Variants in FOLH1 observed in about 807,000 individuals in gnomAD.
The protein encoded by FOLH1 is glutamate carboxypeptidase 2.
Under a neutral mutation model 93.9 loss-of-function variants are expected in FOLH1, and 54 were observed. The observed-to-expected ratio is 0.57, with a 90% CI of 0.46 to 0.72. FOLH1 has a LOEUF of 0.72. Among genes scored for constraint, FOLH1 ranks in the 30% least tolerant of loss-of-function variants. The pLI is 0.00. For missense variants in FOLH1, 571 were observed against 892.5 expected (o/e 0.64, Z 4.59); for synonymous variants, 249 against 303.6 (o/e 0.82, Z 1.87).
chr11:49,150,837 T>C (rs1856429540), intron 17 of FOLH1, among the ~76,000 whole-genome samples: 1 of 152,172 alleles, frequency 6.6e-6, no homozygotes, highest in Non-Finnish European at 1.5e-5. Context: ...CTGAGAAAAA[T>C]CATTACAATA....
intron 4 of FOLH1, among the ~76,000 whole-genome samples, chr11:49,188,169 T>A (rs867787541): frequency 1.8e-4 from 27 of 152,332 alleles, no homozygotes; most frequent in Non-Finnish European, 3.5e-4. Context: ...TCAAATTTTT[T>A]AAAAAATTTA....
At position 49,154,350 on chromosome 11, in the gene FOLH1, T is replaced by C; in HGVS notation, c.1766A>G (p.Asn589Ser). The change falls in exon 16 of 19, where the codon AAT (asparagine) becomes AGT (serine). Residue 589 changes from asparagine to serine, a missense_variant. Transcript: ENST00000256999. The part of the protein sequence containing the change: ...VRGGMVFELA[N>S]SIVLPFDCRD... Reference sequence around the variant, plus strand: ...ACAATCAAAAGGGAGCACTATGGAATTGGCTAGCTCAAACACCATCCCTCC... The same window carrying C: ...ACAATCAAAAGGGAGCACTATGGAACTGGCTAGCTCAAACACCATCCCTCC... The C allele has an allele frequency of 6.2e-6, 10 of 1,613,462 alleles. No individual in the cohort carries two copies. The highest frequency in any genetic ancestry group is 8.5e-6 in the Non-Finnish European group (10 of 1,179,660).
intron 13 of FOLH1, among the ~76,000 whole-genome samples, chr11:49,163,312 T>A (rs1298996917): frequency 6.6e-6 from 1 of 152,038 alleles, no homozygotes; most frequent in East Asian, 1.9e-4. Context: ...GCTCCACCCA[T>A]TGATGAGGAA....
chr11:49,163,306 CACCCATTGATGAGGAACGTAG>C (rs1227282820), intron 13 of FOLH1, among the ~76,000 whole-genome samples: 1 of 151,932 alleles, frequency 6.6e-6, no homozygotes, highest in East Asian at 1.9e-4. Context: ...TGGGAGGCTC[CACCCATTGATGAGGAACGTAG>C]TTGGGGATCT....
rs140875767 is a variant in FOLH1 at position 49,185,525 on chromosome 11, A to G, written c.826+144T>C. ...AGGGGGTAAGGGGCCTGAACCAATC[A>G]CTTTAGAGTTCAAAATTCTTTCATT... is the stretch of plus-strand genomic sequence containing the variant. On this transcript the variant is annotated intron_variant, in intron 6 of 18. Coordinates refer to ENST00000256999, the MANE Select transcript of FOLH1 (RefSeq NM_004476.3). 13 of 1,081,538 alleles carry G rather than the reference A, an allele frequency of 1.2e-5. No individual in the cohort carries two copies. The African/African-American group carries it at 2.1e-4, about 18-fold the overall frequency. 67.0% of individuals were successfully genotyped at this position (1,081,538 alleles called of 1,614,324 possible). A position where few individuals can be genotyped will look rare whatever the true frequency, so the allele number is the denominator to read the frequency against.
chr11:49,177,892 G>A (rs1253027645), intron 7 of FOLH1, among the ~76,000 whole-genome samples: 4 of 151,418 alleles, frequency 2.6e-5, no homozygotes, highest in Non-Finnish European at 5.9e-5. Flanking sequence ...GAACCTGGGA[G>A]GTAGAGATTG....
chr11:49,208,023 C>A, intron 1 of FOLH1: 1 of 649,292 alleles, frequency 1.5e-6, no homozygotes, highest in Non-Finnish European at 2.8e-6. Context: ...GCACTTGGAA[C>A]CTTCCTACGC....
intron 6 of FOLH1, 89 bp from the exon 7 acceptor site, chr11:49,183,331 A>C: frequency 1.0e-6 from 1 of 981,272 alleles, no homozygotes; most frequent in Non-Finnish European, 1.5e-6. Flanking sequence ...TTCTAATTTC[A>C]CATTTGCTAG....
At position 49,208,462 on chromosome 11, in the gene FOLH1, A is replaced by T. The variant is rs1307635778; in HGVS notation, c.-53T>A. 6 of 1,293,512 alleles carry T rather than the reference A, an allele frequency of 4.6e-6. No individual in the cohort carries two copies. The Admixed American group carries it at 1.3e-4, about 28-fold the overall frequency. 80.1% of individuals were successfully genotyped at this position (1,293,512 alleles called of 1,614,324 possible). A position where few individuals can be genotyped will look rare whatever the true frequency, so the allele number is the denominator to read the frequency against. ...GGACCCGCGCCTGTGCTGCTGCTCT[A>T]CTGCGCGCCCTCCAACCACCACGGC... On this transcript the variant is annotated 5_prime_UTR_variant, in exon 1 of 19. Coordinates refer to ENST00000256999, the MANE Select transcript of FOLH1 (RefSeq NM_004476.3).
At chr11:49,198,295 A>G (rs1407117135) in intron 3 of FOLH1, among the ~76,000 whole-genome samples, 2 of 151,970 alleles carry the variant, frequency 1.3e-5, no homozygotes, top group African/African-American at 4.8e-5. Flanking sequence ...TCCTGGCTAA[A>G]ACTGTGAAAC....
intron 12 of FOLH1, among the ~76,000 whole-genome samples, chr11:49,166,477 T>C (rs1858421444): frequency 6.6e-6 from 1 of 152,210 alleles, no homozygotes. Flanking sequence ...TTTTTTTACG[T>C]GTAAAGCACC....
chr11:49,152,282 A>G (rs1487242965), intron 17 of FOLH1, among the ~76,000 whole-genome samples: 1 of 152,130 alleles, frequency 6.6e-6, no homozygotes, highest in Non-Finnish European at 1.5e-5. Context: ...ACTTTTTCCT[A>G]AGAAATAATC....
chr11:49,146,852 C>T lies in FOLH1; in HGVS notation c.2157G>A (p.Val719=). The change falls in exon 19 of 19, where the codon GTG becomes GTA. Residue 719 remains valine, a synonymous_variant. Transcript: ENST00000256999. The part of the protein sequence containing the change: ...YDALFDIESK[V]DPSKAWGEVK... The stretch of plus-strand genomic sequence containing the variant: ...CTTCTCCCCAGGCCTTGGAAGGGTC[C>T]ACTTTGCTTTCAATATCAAACAGAG... 1 of 1,613,450 alleles carries T rather than the reference C, an allele frequency of 6.2e-7. No homozygotes were observed. Among genetic ancestry groups the T allele is most frequent in the Non-Finnish European group, 8.5e-7 (1 of 1,179,644 alleles).
intron 14 of FOLH1, among the ~76,000 whole-genome samples, 170 bp downstream of exon 14, chr11:49,157,782 T>A (rs1857180861): frequency 6.6e-6 from 1 of 152,126 alleles, no homozygotes; most frequent in Non-Finnish European, 1.5e-5. Context: ...CAGATTTAAC[T>A]ACAAAACACA....
chr11:49,151,321 A>G (rs1174884150), intron 17 of FOLH1, among the ~76,000 whole-genome samples: 3 of 152,246 alleles, frequency 2.0e-5, no homozygotes. Flanking sequence ...TTTCAATAAG[A>G]TGCAATGGGT....
chr11:49,177,919 C>T (rs1392364777), intron 7 of FOLH1, among the ~76,000 whole-genome samples: 1 of 149,202 alleles, frequency 6.7e-6, no homozygotes, highest in Non-Finnish European at 1.5e-5. Flanking sequence ...AGCGAGATCA[C>T]GTCATTGCAC....
At chr11:49,147,540 C>G (rs1466109150) in intron 18 of FOLH1, among the ~76,000 whole-genome samples, 1 of 151,750 alleles carries the variant, frequency 6.6e-6, no homozygotes, top group East Asian at 1.9e-4. Flanking sequence ...TTGTAATGTT[C>G]CATGTGACCA....
At chr11:49,178,471 G>A (rs1210388581) in intron 7 of FOLH1, among the ~76,000 whole-genome samples, 2 of 151,974 alleles carry the variant, frequency 1.3e-5, no homozygotes, top group East Asian at 3.9e-4. Context: ...ATAAAACCAC[G>A]ATTGTAGTGT....
At position 49,161,741 on chromosome 11, in the gene FOLH1, GT is replaced by G. The variant is rs201032596; in HGVS notation, c.1440+2963del. 5.9e-3 allele frequency among the ~76,000 whole-genome samples: 898 copies of G among 152,278 alleles called. 12 individuals are homozygous for G. Among genetic ancestry groups the G allele is most frequent in the African/African-American group, 0.021 (859 of 41,554 alleles). ...ATCACTGGTCTGTGTACTTCAGTGT[GT>G]TTTTGTCGTGGATGGTGATAGTCTT... On this transcript the variant is annotated intron_variant, in intron 13 of 18. Transcript: ENST00000256999.
Sources: allele counts gnomAD v4.1 joint callset (sites outside exome capture counted in the v4.1 genomes callset), GRCh38; gene constraint gnomAD v4.1.1; transcripts MANE v1.5; gene names NCBI Gene and HGNC (gene_info 2026-07-23, HGNC 2026-07-21).